The following PARP9 variants were observed in gnomAD, a reference collection of about 807,000 sequenced individuals.
The protein encoded by PARP9 is protein mono-ADP-ribosyltransferase PARP9.
PARP9 carries 48 observed loss-of-function variants against 68.8 expected under a neutral mutation model. The observed-to-expected ratio is 0.70, with a 90% CI of 0.55 to 0.89. The LOEUF is 0.89. Among genes scored for constraint, PARP9 ranks in the 40% least tolerant of loss-of-function variants. PARP9 has a pLI of 0.00. For synonymous variants in PARP9, 309 were observed against 333.8 expected, an observed-to-expected ratio of 0.93 and a Z score of 0.81; for missense variants, 806 against 969.3, an observed-to-expected ratio of 0.83 and a Z score of 2.24.
At chr3:122,536,848 C>A in intron 9 of PARP9, 86 bp downstream of exon 9, 1 of 1,460,402 alleles carries the variant, frequency 6.8e-7, no homozygotes, top group East Asian at 2.3e-5. Flanking sequence ...AGCTTAGAAT[C>A]ATCAGCAGGT....
At chr3:122,558,602 ATG>A (rs2079916203) in intron 2 of PARP9, 135 bp from the exon 3 acceptor site, 1 of 1,070,256 alleles carries the variant, frequency 9.3e-7, no homozygotes, top group East Asian at 2.5e-5. Context: ...GGCAGGAAGC[ATG>A]TGTTTTTTTA....
chr3:122,564,273 A>T lies in PARP9; in HGVS notation c.-118T>A. On this transcript the variant is annotated 5_prime_UTR_variant, in exon 1 of 11. Transcript: ENST00000682323. ...GCAGGCCGCTCTCCTCGGTGCAGAC[A>T]GCACAGGGAGGAGGGGGAAGCGGCT... 1 of 933,136 alleles carries T rather than the reference A, an allele frequency of 1.1e-6. No homozygotes were observed. The highest frequency in any genetic ancestry group is 2.9e-5 in the East Asian group (1 of 34,130). 57.8% of individuals were successfully genotyped at this position (933,136 alleles called of 1,614,324 possible). A position where few individuals can be genotyped will look rare whatever the true frequency, so the allele number is the denominator to read the frequency against.
Position 122,540,457 on chromosome 3 carries a change from T to C in PARP9, c.1765+15A>G. 3 of 1,606,856 alleles carry C rather than the reference T, an allele frequency of 1.9e-6. No individual in the cohort carries two copies. The highest frequency in any genetic ancestry group is 2.6e-6 in the Non-Finnish European group (3 of 1,176,280). Reference sequence around the variant, plus strand: ...GGGGAGAATTTACTTTCTAATTTGATAGAAAGTTACTCACCTAACGAGCGC... The same window carrying C: ...GGGGAGAATTTACTTTCTAATTTGACAGAAAGTTACTCACCTAACGAGCGC... On this transcript the variant is annotated intron_variant, in intron 8 of 10. Transcript: ENST00000682323.
At chr3:122,548,676 C>T (rs1185217167) in intron 6 of PARP9, among the ~76,000 whole-genome samples, 1 of 152,134 alleles carries the variant, frequency 6.6e-6, no homozygotes, top group Non-Finnish European at 1.5e-5. Flanking sequence ...GATCTGTCCA[C>T]CCAAACAAAA....
intron 9 of PARP9, 180 bp downstream of exon 9, chr3:122,536,754 G>A (rs1227460649): frequency 1.3e-5 from 9 of 675,926 alleles, no homozygotes; most frequent in Non-Finnish European, 2.1e-5. Flanking sequence ...CCTACCTCCC[G>A]ATTCCAACTA....
At chr3:122,549,240 T>C (rs923501278) in intron 6 of PARP9, among the ~76,000 whole-genome samples, 1 of 152,184 alleles carries the variant, frequency 6.6e-6, no homozygotes, top group Non-Finnish European at 1.5e-5. Flanking sequence ...GGTCTCAAAC[T>C]CGTGACCTCA....
chr3:122,561,086 G>A (rs1352989748), intron 1 of PARP9, among the ~76,000 whole-genome samples: 1 of 152,168 alleles, frequency 6.6e-6, no homozygotes, highest in Non-Finnish European at 1.5e-5. Context: ...TCTGGAATGA[G>A]TAGTGGACTC....
intron 7 of PARP9, among the ~76,000 whole-genome samples, chr3:122,542,744 C>T (rs1233724022): frequency 6.6e-6 from 1 of 152,116 alleles, no homozygotes; most frequent in East Asian, 1.9e-4. Flanking sequence ...TCCCAAAGTG[C>T]TGGGATTACA....
chr3:122,535,013 G>T, intron 10 of PARP9: 1 of 978,364 alleles, frequency 1.0e-6, no homozygotes, highest in Non-Finnish European at 1.2e-6. Flanking sequence ...GTGTATAGAT[G>T]TTGGGTAGGC....
chr3:122,555,481 C>T lies in PARP9; in HGVS notation c.690G>A (p.Gly230=). The change falls in exon 4 of 11, where the codon GGG becomes GGA. Residue 230 remains glycine (G), a synonymous_variant. Transcript: ENST00000682323. ...CTTTCAAATTACTCATCATTGGCTTCCCTTGCAAACTAACCCGGATAGTCT... is the reference window on the plus strand; with the variant it reads ...CTTTCAAATTACTCATCATTGGCTTTCCTTGCAAACTAACCCGGATAGTCT... ...IVETIRVSLQ[G]KPMMSNLKEI... is the part of the protein sequence containing the mutation. The T allele has an allele frequency of 1.2e-6, 2 of 1,614,164 alleles. No individual in the cohort carries two copies. The highest frequency in any genetic ancestry group is 1.7e-5 in the Admixed American group (1 of 60,022).
chr3:122,539,570 T>TCTTTCTTTCTTTCTTTCCTTC (rs1242464386), intron 8 of PARP9, among the ~76,000 whole-genome samples: 1 of 135,546 alleles, frequency 7.4e-6, no homozygotes, highest in East Asian at 2.2e-4. Context: ...TTTCTTTCTT[T>TCTTTCTTTCTTTCTTTCCTTC]TTTTTTTGAG....
intron 3 of PARP9, among the ~76,000 whole-genome samples, chr3:122,557,069 A>G (rs73192129): frequency 0.14 from 22,057 of 152,166 alleles, 1,682 homozygotes; most frequent in Middle Eastern, 0.3. Flanking sequence ...CCTGATTTCA[A>G]GCAATCTGCC....
intron 10 of PARP9, chr3:122,534,368 A>G: frequency 1.0e-6 from 1 of 985,342 alleles, no homozygotes; most frequent in Non-Finnish European, 1.2e-6. Context: ...TATAAGGAAG[A>G]TTTTCCCAGA....
In PARP9 at chr3:122,536,999, G is replaced by T. The variant is rs1287901857; in HGVS notation, c.1840C>A (p.Pro614Thr). The change falls in exon 9 of 11, where the codon CCT becomes ACT. Residue 614 changes from proline to threonine, a missense_variant. Pro to Thr is a conservative substitution (Grantham distance 38). Around this residue, in one of 2 missense-constraint regions of PARP9, gnomAD observed 680 missense variants for 858.8 expected, o/e 0.79. Coordinates refer to ENST00000682323, the MANE Select transcript of PARP9 (RefSeq NM_001146105.2). ...TGATCTAGAAGCTCTTGAGTTGGAG[G>T]CACAGGACATTTCAGAAATATGATA... is the stretch of plus-strand genomic sequence containing the variant. The part of the protein sequence containing the change: ...ENIIFLKCPV[P>T]PTQELLDQKK... 6.8e-6 allele frequency: 11 copies of T among 1,613,702 alleles called. No homozygotes were observed. Among genetic ancestry groups the T allele is most frequent in the Non-Finnish European group, 9.3e-6 (11 of 1,179,780 alleles).
chr3:122,539,510 T>TCTTTCTTTCTTTCTTTCTTCCTTC (rs2077950977), intron 8 of PARP9, among the ~76,000 whole-genome samples: 1 of 16,546 alleles, frequency 6.0e-5, no homozygotes, highest in African/African-American at 2.7e-4. Context: ...AGATGGCATT[T>TCTTTCTTTCTTTCTTTCTTCCTTC]CTTTCTTTCT....
At chr3:122,530,661 C>T (rs1017009751) in intron 10 of PARP9, among the ~76,000 whole-genome samples, 1 of 152,198 alleles carries the variant, frequency 6.6e-6, no homozygotes, top group African/African-American at 2.4e-5. Flanking sequence ...TCCTTCCTTC[C>T]TTTCCTTTTT....
intron 8 of PARP9, 136 bp downstream of exon 8, chr3:122,540,336 A>T (rs894557675): frequency 8.8e-7 from 1 of 1,140,536 alleles, no homozygotes; most frequent in Admixed American, 2.8e-5. Flanking sequence ...AAGGCTTATG[A>T]TCTAACAAAG....
intron 7 of PARP9, among the ~76,000 whole-genome samples, chr3:122,544,141 GT>G (rs1244780923): frequency 6.6e-6 from 1 of 152,056 alleles, no homozygotes; most frequent in Non-Finnish European, 1.5e-5. Context: ...GCTCCTGTGG[GT>G]TTTCTCTACC....
intron 2 of PARP9, among the ~76,000 whole-genome samples, chr3:122,558,928 TG>T (rs1316167819): frequency 3.9e-5 from 6 of 152,178 alleles, no homozygotes; most frequent in Admixed American, 3.9e-4. Flanking sequence ...TTGACCAGGC[TG>T]GTCTCGAACT....
Sources: gnomAD v4.1 joint callset for allele counts (sites outside exome capture counted in the v4.1 genomes callset) on GRCh38, gnomAD v4.1.1 for gene constraint, gnomAD v4.1.1 regional missense constraint, MANE v1.5 for transcripts, NCBI Gene and HGNC (gene_info 2026-07-23, HGNC 2026-07-21) for gene names.